TCF7L1: variants seen among roughly 807,000 people sequenced by gnomAD.
The protein encoded by TCF7L1 is transcription factor 7-like 1.
In TCF7L1, 18 loss-of-function variants were observed where a neutral mutation model predicts 63.7. The observed-to-expected ratio is 0.28, with a 90% CI of 0.20 to 0.42. The LOEUF is 0.42. Ranked by LOEUF, TCF7L1 falls within the 10% of genes least tolerant of loss-of-function variation. The pLI is 1.00. For missense variants in TCF7L1, 654 were observed against 779.3 expected, an observed-to-expected ratio of 0.84 and a Z score of 1.91; for synonymous variants, 355 against 340.9, an observed-to-expected ratio of 1.04 and a Z score of -0.46.
At chr2:85,174,756 A>C (rs1385649342) in intron 3 of TCF7L1, among the ~76,000 whole-genome samples, 1 of 152,086 alleles carries the variant, frequency 6.6e-6, no homozygotes, top group Non-Finnish European at 1.5e-5. Context: ...CTCCTGCCCA[A>C]CTGGTTTCTT....
intron 11 of TCF7L1, among the ~76,000 whole-genome samples, chr2:85,308,369 C>CTCCCTCCCTTTCACCT: frequency 6.9e-6 from 1 of 145,566 alleles, no homozygotes; most frequent in East Asian, 2.1e-4. Flanking sequence ...CCCTTTCTTC[C>CTCCCTCCCTTTCACCT]TCCCTCCCTT....
chr2:85,256,609 C>T (rs1680725744), intron 3 of TCF7L1, among the ~76,000 whole-genome samples: 1 of 152,178 alleles, frequency 6.6e-6, no homozygotes, highest in Admixed American at 6.5e-5. Context: ...TAATGCTTTA[C>T]AAGGAGAGTG....
intron 3 of TCF7L1, among the ~76,000 whole-genome samples, chr2:85,268,661 C>G (rs113447801): frequency 5.3e-5 from 8 of 151,418 alleles, no homozygotes; most frequent in African/African-American, 1.9e-4. Flanking sequence ...AGGCTGGTGT[C>G]GAACTCCTGA....
At chr2:85,238,168 C>T (rs1354610630) in intron 3 of TCF7L1, among the ~76,000 whole-genome samples, 4 of 152,152 alleles carry the variant, frequency 2.6e-5, no homozygotes, top group Non-Finnish European at 5.9e-5. Context: ...GACATAGGCA[C>T]TATTCACTAA....
intron 3 of TCF7L1, among the ~76,000 whole-genome samples, chr2:85,169,164 C>G (rs1209920377): frequency 6.6e-6 from 1 of 152,078 alleles, no homozygotes; most frequent in African/African-American, 2.4e-5. Context: ...CAAGGCTTTC[C>G]CCATCTGACC....
intron 3 of TCF7L1, among the ~76,000 whole-genome samples, chr2:85,212,046 C>T (rs11695920): frequency 0.23 from 31,828 of 141,374 alleles, 4,072 homozygotes; most frequent in Non-Finnish European, 0.3. Context: ...GCTGAGATCA[C>T]GCCGCTGCAC....
At chr2:85,192,906 C>G (rs1412422602) in intron 3 of TCF7L1, among the ~76,000 whole-genome samples, 1 of 151,924 alleles carries the variant, frequency 6.6e-6, no homozygotes, top group Non-Finnish European at 1.5e-5. Context: ...CCAGGCTGGT[C>G]TTGAACTCAT....
chr2:85,226,816 C>CTT (rs58016100), intron 3 of TCF7L1, among the ~76,000 whole-genome samples: 15 of 137,450 alleles, frequency 1.1e-4, no homozygotes, highest in South Asian at 4.7e-4. Flanking sequence ...CTCCCCCCGC[C>CTT]TTTTTTTTTT....
intron 3 of TCF7L1, among the ~76,000 whole-genome samples, chr2:85,205,263 AAAAT>A (rs1363075802): frequency 1.3e-5 from 2 of 152,230 alleles, no homozygotes; most frequent in African/African-American, 2.4e-5. Context: ...TTTTAAAAGA[AAAAT>A]AAAGCCCTCT....
intron 3 of TCF7L1, among the ~76,000 whole-genome samples, chr2:85,187,779 A>G (rs1448958836): frequency 6.6e-6 from 1 of 152,196 alleles, no homozygotes; most frequent in Non-Finnish European, 1.5e-5. Flanking sequence ...CTTTTTCAAA[A>G]TAGTTTTGGC....
At chr2:85,270,504 A>C (rs1681125091) in intron 3 of TCF7L1, among the ~76,000 whole-genome samples, 1 of 152,130 alleles carries the variant, frequency 6.6e-6, no homozygotes, top group East Asian at 1.9e-4. Context: ...AATAGATTGC[A>C]CCTTACAGGT....
intron 3 of TCF7L1, among the ~76,000 whole-genome samples, chr2:85,185,627 C>T (rs1001667934): frequency 6.6e-6 from 1 of 152,028 alleles, no homozygotes; most frequent in African/African-American, 2.4e-5. Context: ...TCTATCTCTG[C>T]TTGTGGGTTT....
chr2:85,231,693 A>G (rs1289781463), intron 3 of TCF7L1, among the ~76,000 whole-genome samples: 2 of 151,992 alleles, frequency 1.3e-5, no homozygotes, highest in Non-Finnish European at 2.9e-5. Context: ...GACTCCCCCA[A>G]AAGTTATTGT....
chr2:85,133,708 CGGCGGCGGCGGCGGCGGCAGCGGGGGA>C lies in TCF7L1; in HGVS notation c.34_60del (p.Gly12_Gly20del). 1.1e-5 allele frequency: 4 copies of C among 349,318 alleles called. No individual in the cohort carries two copies. Among genetic ancestry groups the C allele is most frequent in the South Asian group, 1.0e-4 (1 of 9,994 alleles). The allele number at this position is 349,318 out of a possible 1,614,324, so 21.6% of individuals were successfully genotyped here. A position where few individuals can be genotyped will look rare whatever the true frequency, so the allele number is the denominator to read the frequency against. On this transcript the variant is annotated inframe_deletion, in exon 1 of 12. Transcript: ENST00000282111. This position sits in a 1 kb window ranked among gnomAD's most constrained non-coding sequence, Gnocchi z 4.4. ...CCATGCCCCAGCTCGGCGGCGGGGG[CGGCGGCGGCGGCGGCGGCAGCGGGGGA>C]GGCGGCGGCTCCAGCGCCGGGGCGG...
intron 3 of TCF7L1, among the ~76,000 whole-genome samples, chr2:85,248,626 G>A (rs1680522969): frequency 6.6e-6 from 1 of 152,148 alleles, no homozygotes; most frequent in African/African-American, 2.4e-5. Context: ...TTTTGGGAGG[G>A]AGGAAGAAGA....
chr2:85,189,848 C>T (rs141192335), intron 3 of TCF7L1, among the ~76,000 whole-genome samples: 36 of 152,276 alleles, frequency 2.4e-4, no homozygotes, highest in Middle Eastern at 3.4e-3. Flanking sequence ...TGCGCCCACT[C>T]GGCCTGCCTC....
intron 3 of TCF7L1, among the ~76,000 whole-genome samples, chr2:85,142,810 C>T (rs796823327): frequency 5.9e-5 from 9 of 152,316 alleles, no homozygotes; most frequent in African/African-American, 2.2e-4. Context: ...GCTGTATGCA[C>T]TGCCCAGGGA....
rs1185034201 is a variant in TCF7L1, at chr2:85,133,908, A to G, written c.224A>G (p.Asn75Ser). The G allele has an allele frequency of 2.0e-6, 3 of 1,526,856 alleles. 1 individual carries two copies. Among genetic ancestry groups the G allele is most frequent in the South Asian group, 2.5e-5 (2 of 80,160 alleles). 94.6% of individuals were successfully genotyped at this position (1,526,856 alleles called of 1,614,324 possible). A position where few individuals can be genotyped will look rare whatever the true frequency, so the allele number is the denominator to read the frequency against. Residue 75 changes from asparagine (N) to serine (S), a missense_variant, in exon 1 of 12, where the codon AAC becomes AGC. Coordinates refer to ENST00000282111, the MANE Select transcript of TCF7L1 (RefSeq NM_031283.3). The surrounding 1 kb of genome is among the most constrained non-coding windows in gnomAD (Gnocchi z 4.4). ...VKSSLVNESE[N>S]QSSSSDSEAE... ...TCGTCCCTGGTCAACGAGTCGGAGA[A>G]CCAGAGCAGCAGCTCGGACTCGGAG...
intron 3 of TCF7L1, among the ~76,000 whole-genome samples, chr2:85,192,178 A>G (rs896539439): frequency 1.3e-5 from 2 of 152,162 alleles, no homozygotes; most frequent in African/African-American, 4.8e-5. Flanking sequence ...ATTTCACCCT[A>G]ATGAAGATAT....
Sources: gnomAD v4.1 joint callset for allele counts (sites outside exome capture counted in the v4.1 genomes callset) on GRCh38, gnomAD v4.1.1 for gene constraint, Gnocchi (gnomAD v3.1) non-coding constraint, MANE v1.5 for transcripts, NCBI Gene and HGNC (gene_info 2026-07-23, HGNC 2026-07-21) for gene names.